The following PCDH9 variants were observed in gnomAD, a reference collection of about 807,000 sequenced individuals.
PCDH9 encodes protocadherin 9.
PCDH9 carries 24 observed loss-of-function variants against 70.6 expected under a neutral mutation model. That is an observed-to-expected ratio of 0.34 (90% CI 0.25 to 0.48). PCDH9 has a LOEUF of 0.48. Ranked by LOEUF, PCDH9 falls within the 20% of genes least tolerant of loss-of-function variation. The probability of loss-of-function intolerance (pLI) is 0.99; values close to 1 mark genes in which losing one functional copy is unlikely to be tolerated. For missense variants in PCDH9, 1,281 were observed against 1,503.6 expected, an observed-to-expected ratio of 0.85 and a Z score of 2.45; for synonymous variants, 562 against 558.5, an observed-to-expected ratio of 1.01 and a Z score of -0.09.
At chr13:67,032,703 T>C (rs745397946) in intron 2 of PCDH9, among the ~76,000 whole-genome samples, 2 of 152,178 alleles carry the variant, frequency 1.3e-5, no homozygotes, top group African/African-American at 2.4e-5. Context: ...ATTATAACCA[T>C]GAAGCATTTG....
At chr13:66,990,502 T>C (rs2083979867) in intron 2 of PCDH9, among the ~76,000 whole-genome samples, 1 of 150,766 alleles carries the variant, frequency 6.6e-6, no homozygotes, top group African/African-American at 2.4e-5. Flanking sequence ...TGTAAAAGAA[T>C]ATATCATTAG....
chr13:66,867,051 C>T (rs1233583699), intron 3 of PCDH9, among the ~76,000 whole-genome samples: 1 of 147,008 alleles, frequency 6.8e-6, no homozygotes, highest in Non-Finnish European at 1.5e-5. Context: ...CAATTAATAG[C>T]GCTGAGGGCT....
intron 2 of PCDH9, among the ~76,000 whole-genome samples, chr13:67,011,611 C>T (rs973051663): frequency 6.6e-6 from 1 of 151,878 alleles, no homozygotes; most frequent in South Asian, 2.1e-4. Flanking sequence ...ATCACTAGAA[C>T]GTTGTAATAG....
intron 2 of PCDH9, among the ~76,000 whole-genome samples, chr13:66,919,387 C>T (rs1440914201): frequency 2.0e-5 from 3 of 151,284 alleles, no homozygotes; most frequent in Admixed American, 6.6e-5. Context: ...GCAAATATAA[C>T]TTCTTTAACA....
At chr13:67,198,570 C>T (rs2089133127) in intron 2 of PCDH9, among the ~76,000 whole-genome samples, 1 of 151,858 alleles carries the variant, frequency 6.6e-6, no homozygotes, top group Non-Finnish European at 1.5e-5. Context: ...CATACCAAAT[C>T]ATGAATATGC....
chr13:66,734,470 A>G (rs905619610), intron 3 of PCDH9, among the ~76,000 whole-genome samples: 1 of 152,144 alleles, frequency 6.6e-6, no homozygotes, highest in Non-Finnish European at 1.5e-5. Flanking sequence ...ATTGTACCTG[A>G]GAGGGATCTT....
chr13:66,677,218 TC>T, intron 3 of PCDH9, among the ~76,000 whole-genome samples: 1 of 152,188 alleles, frequency 6.6e-6, no homozygotes, highest in Middle Eastern at 3.4e-3. Context: ...TGCTATCTAA[TC>T]AATGGGAAAT....
intron 4 of PCDH9, among the ~76,000 whole-genome samples, chr13:66,383,675 C>T (rs970929328): frequency 1.3e-5 from 2 of 152,128 alleles, no homozygotes; most frequent in African/African-American, 4.8e-5. Context: ...GAATTTCTTA[C>T]AATCATTCTA....
intron 4 of PCDH9, among the ~76,000 whole-genome samples, chr13:66,376,804 C>T (rs1348462293): frequency 2.0e-5 from 3 of 151,908 alleles, no homozygotes; most frequent in Admixed American, 1.3e-4. Context: ...AGACTACTGC[C>T]AAAAGACAAT....
chr13:66,514,142 G>A (rs946084236), intron 4 of PCDH9, among the ~76,000 whole-genome samples: 6 of 152,024 alleles, frequency 3.9e-5, no homozygotes, highest in Non-Finnish European at 7.4e-5. Flanking sequence ...TTGCAAACCT[G>A]GTTAAATATG....
chr13:67,205,677 A>G (rs2078802295), intron 2 of PCDH9: 1 of 152,250 alleles, frequency 6.6e-6, no homozygotes, highest in South Asian at 2.1e-4. Flanking sequence ...AGGGTAGCAT[A>G]TCATTCCGAG....
intron 3 of PCDH9, among the ~76,000 whole-genome samples, chr13:66,698,559 A>G (rs2078593628): frequency 6.6e-6 from 1 of 152,124 alleles, no homozygotes; most frequent in South Asian, 2.1e-4. Context: ...TTAGATGGGA[A>G]AGAATTCCTA....
chr13:67,126,843 C>T (rs1378377907), intron 2 of PCDH9, among the ~76,000 whole-genome samples: 1 of 151,954 alleles, frequency 6.6e-6, no homozygotes, highest in East Asian at 1.9e-4. Flanking sequence ...AGTGAGACTC[C>T]ATCTCAAAAT....
chr13:67,040,694 T>A (rs1052958113), intron 2 of PCDH9, among the ~76,000 whole-genome samples: 5 of 152,052 alleles, frequency 3.3e-5, no homozygotes, highest in African/African-American at 1.2e-4. Context: ...TTAAAAAAAA[T>A]ATATATTGAA....
intron 2 of PCDH9, among the ~76,000 whole-genome samples, chr13:67,159,693 C>G (rs894696301): frequency 2.6e-5 from 4 of 151,898 alleles, no homozygotes; most frequent in Non-Finnish European, 1.5e-5. Context: ...GCTTTTTTGG[C>G]CTGAAAAATG....
chr13:66,683,202 T>C (rs1012407930), intron 3 of PCDH9, among the ~76,000 whole-genome samples: 2 of 152,070 alleles, frequency 1.3e-5, no homozygotes, highest in Non-Finnish European at 2.9e-5. Flanking sequence ...TTCATCTTTT[T>C]TTTCCTCCCT....
intron 3 of PCDH9, among the ~76,000 whole-genome samples, chr13:66,722,477 A>C (rs1278943480): frequency 6.6e-6 from 1 of 152,150 alleles, no homozygotes; most frequent in African/African-American, 2.4e-5. Flanking sequence ...ATGGTAGACT[A>C]TCCAGGGTCA....
intron 2 of PCDH9, among the ~76,000 whole-genome samples, chr13:67,044,677 G>A (rs1566385396): frequency 6.6e-6 from 1 of 152,108 alleles, no homozygotes; most frequent in Non-Finnish European, 1.5e-5. Flanking sequence ...TTACACTACA[G>A]TTTCACAGAT....
intron 3 of PCDH9, among the ~76,000 whole-genome samples, chr13:66,637,576 A>G (rs958382320): frequency 4.6e-5 from 7 of 152,196 alleles, no homozygotes; most frequent in African/African-American, 1.7e-4. Context: ...TGGCTCCACT[A>G]ATGTAGAAAT....
Sources: allele counts gnomAD v4.1 joint callset (sites outside exome capture counted in the v4.1 genomes callset), GRCh38; gene constraint gnomAD v4.1.1; transcripts MANE v1.5; gene names NCBI Gene and HGNC (gene_info 2026-07-23, HGNC 2026-07-21).